The following OR51B5 variants were observed in gnomAD, a reference collection of about 807,000 sequenced individuals.
OR51B5 encodes the protein olfactory receptor 51B5.
For missense variants in OR51B5, 456 were observed against 374.6 expected (o/e 1.22, Z -1.79); for synonymous variants, 186 against 144.8 (o/e 1.28, Z -2.04).
intron 1 of OR51B5, among the ~76,000 whole-genome samples, chr11:5,425,074 T>C (rs896222916): frequency 7.2e-6 from 1 of 138,564 alleles, no homozygotes; most frequent in African/African-American, 2.6e-5. Flanking sequence ...TTATTTTTTC[T>C]CTGCTAGAGC....
At chr11:5,396,626 G>A (rs1039202914) in intron 1 of OR51B5, among the ~76,000 whole-genome samples, 4 of 151,844 alleles carry the variant, frequency 2.6e-5, no homozygotes, top group African/African-American at 9.7e-5. Context: ...TGGCCATACT[G>A]CCCAAGGTAA....
At position 5,494,654 on chromosome 11, in the gene OR51B5, A is replaced by T. The variant is rs143869814; in HGVS notation, n.84+10915T>A. 8.7e-4 allele frequency among the ~76,000 whole-genome samples: 132 copies of T among 152,330 alleles called. 1 individual carries two copies. The East Asian group carries it at 0.023, about 26-fold the overall frequency. On this transcript the variant is annotated intron_variant and non_coding_transcript_variant, in intron 1 of 4. Transcript: ENST00000415970. ...GCCTGGTTTAAATCCCGCTGCCATC[A>T]CTTCATAACCTTCAACAAGTCATTT...
rs1431206420 is a variant in OR51B5, at chr11:5,389,655, G to A, written n.85-42745C>T. 2 of 1,613,602 alleles carry A rather than the reference G, an allele frequency of 1.2e-6. No homozygotes were observed. The highest frequency in any genetic ancestry group is 1.7e-6 in the Non-Finnish European group (2 of 1,179,886). ...CTGGCCCTCACTGACCTGGGGCTGT[G>A]TGTGTCCACGTTGCCCACCACTATG... On this transcript the variant is annotated intron_variant and non_coding_transcript_variant, in intron 1 of 4. Transcript: ENST00000415970.
rs191883423 is a variant in OR51B5, at chr11:5,452,567, A to G, written n.84+53002T>C. On this transcript the variant is annotated intron_variant and non_coding_transcript_variant, in intron 1 of 4. Transcript: ENST00000415970. Reference sequence around the variant, plus strand: ...AAATCAACAGGGACTGTTTGAATATATTTGCACAACAAGAGCGACTTTACG... The same window carrying G: ...AAATCAACAGGGACTGTTTGAATATGTTTGCACAACAAGAGCGACTTTACG... 4.1e-5 allele frequency among the ~76,000 whole-genome samples: 6 copies of G among 145,616 alleles called. No homozygotes were observed. In the East Asian group the frequency reaches 1.3e-3, roughly 31 times the overall value.
chr11:5,452,303 G>T (rs1356581974), intron 1 of OR51B5, among the ~76,000 whole-genome samples: 2 of 151,956 alleles, frequency 1.3e-5, no homozygotes, highest in Non-Finnish European at 2.9e-5. Context: ...AGGAGATCGA[G>T]ATCATCCTGG....
chr11:5,365,646 AC>A (rs1464499828), intron 1 of OR51B5, among the ~76,000 whole-genome samples: 2 of 152,176 alleles, frequency 1.3e-5, no homozygotes, highest in African/African-American at 4.8e-5. Flanking sequence ...GTCTTAACAC[AC>A]CTCCAAATGT....
chr11:5,342,929 A>C, exon 1 of OR51B5: 1 of 1,614,068 alleles, frequency 6.2e-7, no homozygotes, highest in Non-Finnish European at 8.5e-7. Context: ...GACTACAAGC[A>C]CAGCTGGGTA....
intron 1 of OR51B5, among the ~76,000 whole-genome samples, chr11:5,450,738 G>C (rs563363302): frequency 1.3e-5 from 2 of 152,288 alleles, no homozygotes; most frequent in Admixed American, 1.3e-4. Context: ...ACTCTCCAAT[G>C]CCTTAATGAT....
chr11:5,505,599 C>A (rs1162844401), exon 1 of OR51B5: 1 of 690,932 alleles, frequency 1.4e-6, no homozygotes, highest in Admixed American at 3.9e-5. Flanking sequence ...GCCTCACAAC[C>A]ATGGCCAGGA....
intron 1 of OR51B5, chr11:5,389,350 G>A: frequency 6.4e-7 from 1 of 1,563,522 alleles, no homozygotes; most frequent in East Asian, 2.2e-5. Flanking sequence ...TGAAGCTGAA[G>A]AATTAATAAC....
intron 1 of OR51B5, among the ~76,000 whole-genome samples, chr11:5,436,451 A>C (rs529304384): frequency 6.6e-6 from 1 of 152,258 alleles, no homozygotes; most frequent in South Asian, 2.1e-4. Flanking sequence ...CAGACTCGCA[A>C]GGTGTCTCCT....
chr11:5,425,957 G>C (rs1282583314), intron 1 of OR51B5, among the ~76,000 whole-genome samples: 3 of 152,156 alleles, frequency 2.0e-5, no homozygotes, highest in African/African-American at 7.2e-5. Context: ...ATTTGAAGTT[G>C]CCAAGGTGTC....
Position 5,471,345 on chromosome 11 carries a change from T to C in OR51B5, n.84+34224A>G, listed in dbSNP as rs572578513. 6.1e-4 allele frequency among the ~76,000 whole-genome samples: 93 copies of C among 152,274 alleles called. 1 individual carries two copies. The highest frequency in any genetic ancestry group is 1.0e-3 in the Non-Finnish European group (68 of 68,028). ...AGTTCTAGTTTTAATGGTTAAAATA[T>C]TGATCAAATAGGCCAGGTACAGTGG... On this transcript the variant is annotated intron_variant and non_coding_transcript_variant, in intron 1 of 4. Coordinates refer to the OR51B5 transcript ENST00000415970.
Position 5,392,574 on chromosome 11 carries a change from C to T in OR51B5, n.85-45664G>A, listed in dbSNP as rs182640562. 7.2e-4 allele frequency: 110 copies of T among 152,326 alleles called. 1 individual carries two copies. Among genetic ancestry groups the T allele is most frequent in the African/African-American group, 2.5e-3 (106 of 41,570 alleles). 9.4% of individuals were successfully genotyped at this position (152,326 alleles called of 1,614,324 possible). ...TACTCAAATTTAAAATGCAAATTAACATATCTTAATTTGTTACTAAACGAA... is the reference window on the plus strand; with the variant it reads ...TACTCAAATTTAAAATGCAAATTAATATATCTTAATTTGTTACTAAACGAA... On this transcript the variant is annotated intron_variant and non_coding_transcript_variant, in intron 1 of 4. Transcript: ENST00000415970.
chr11:5,457,778 G>A (rs1055582297), intron 1 of OR51B5, among the ~76,000 whole-genome samples: 1 of 152,128 alleles, frequency 6.6e-6, no homozygotes, highest in African/African-American at 2.4e-5. Flanking sequence ...CTTTTGAGAA[G>A]GATATCTTTA....
chr11:5,371,534 G>T (rs1263333268), intron 1 of OR51B5, among the ~76,000 whole-genome samples: 11 of 151,984 alleles, frequency 7.2e-5, no homozygotes, highest in Non-Finnish European at 1.2e-4. Flanking sequence ...TATCCAAAGG[G>T]TTACATAAGT....
chr11:5,427,923 G>C (rs1850473620), intron 1 of OR51B5, among the ~76,000 whole-genome samples: 1 of 151,974 alleles, frequency 6.6e-6, no homozygotes, highest in Admixed American at 6.6e-5. Context: ...ACAGTGCATG[G>C]TCAAAACTTT....
intron 1 of OR51B5, among the ~76,000 whole-genome samples, chr11:5,372,591 A>G (rs1849463274): frequency 6.6e-6 from 1 of 152,062 alleles, no homozygotes; most frequent in African/African-American, 2.4e-5. Context: ...TCCTTTGCCC[A>G]TTTTTACTTA....
At chr11:5,501,218 A>G (rs927755347) in intron 1 of OR51B5, among the ~76,000 whole-genome samples, 2 of 147,374 alleles carry the variant, frequency 1.4e-5, no homozygotes, top group African/African-American at 4.9e-5. Flanking sequence ...CACCTGGGAG[A>G]AAATGACTTC....
Sources: gnomAD v4.1 joint callset for allele counts (sites outside exome capture counted in the v4.1 genomes callset) on GRCh38, gnomAD v4.1.1 for gene constraint, MANE v1.5 for transcripts, NCBI Gene and HGNC (gene_info 2026-07-23, HGNC 2026-07-21) for gene names.